The following SRGAP1 variants were observed in gnomAD, a reference collection of about 807,000 sequenced individuals.
The protein encoded by SRGAP1 is SLIT-ROBO Rho GTPase activating protein 1, also known as SLIT-ROBO Rho GTPase-activating protein 1.
SRGAP1 carries 43 observed loss-of-function variants against 121.9 expected under a neutral mutation model. That is an observed-to-expected ratio of 0.35 (90% CI 0.28 to 0.46). The LOEUF is 0.46. SRGAP1 is among the 20% of genes least tolerant of loss of function. The probability of loss-of-function intolerance (pLI) is 1.00; values close to 1 mark genes in which losing one functional copy is unlikely to be tolerated. For synonymous variants in SRGAP1, 447 were observed against 485.4 expected (o/e 0.92, Z 1.04); for missense variants, 1,102 against 1,350.9 (o/e 0.82, Z 2.89).
In SRGAP1 at chr12:64,146,658, A is replaced by G. The variant is rs2037057088; in HGVS notation, c.*3986A>G. On this transcript the variant is annotated 3_prime_UTR_variant, in exon 22 of 22. Coordinates refer to ENST00000355086, the MANE Select transcript of SRGAP1 (RefSeq NM_020762.4). ...TGCTTAGGACTCAGTCTTGTTTTCG[A>G]TTATCCACCACAGAAACCCTGAGAC... 1 of 152,050 alleles carries G rather than the reference A, an allele frequency of 6.6e-6. No individual in the cohort carries two copies. Among genetic ancestry groups the G allele is most frequent in the Non-Finnish European group, 1.5e-5 (1 of 68,034 alleles). The allele number at this position is 152,050 out of a possible 1,614,324, so 9.4% of individuals were successfully genotyped here.
intron 21 of SRGAP1, among the ~76,000 whole-genome samples, chr12:64,137,655 G>A (rs2036876490): frequency 1.3e-5 from 2 of 152,036 alleles, no homozygotes; most frequent in African/African-American, 4.8e-5. Flanking sequence ...TTAATATCAG[G>A]ATCTTAGATT....
intron 1 of SRGAP1, among the ~76,000 whole-genome samples, chr12:63,970,060 C>T (rs934047094): frequency 6.6e-6 from 1 of 152,168 alleles, no homozygotes; most frequent in Non-Finnish European, 1.5e-5. Flanking sequence ...CCCACCTTCC[C>T]CCTTTCCCCA....
At chr12:63,902,662 T>G (rs1287943296) in intron 1 of SRGAP1, among the ~76,000 whole-genome samples, 2 of 152,228 alleles carry the variant, frequency 1.3e-5, no homozygotes, top group African/African-American at 4.8e-5. Context: ...TTTCCTCAGT[T>G]TGCAGTTAAC....
intron 1 of SRGAP1, among the ~76,000 whole-genome samples, chr12:63,980,720 A>C (rs2136404024): frequency 6.6e-6 from 1 of 151,722 alleles, no homozygotes; most frequent in South Asian, 2.1e-4. Context: ...CAGACTCCCG[A>C]GTAGCTGGGA....
Position 64,095,455 on chromosome 12 carries a change from G to A in SRGAP1, c.1678+251G>A, listed in dbSNP as rs146427747. 2.0e-3 allele frequency among the ~76,000 whole-genome samples: 302 copies of A among 152,272 alleles called. 4 individuals carry two copies. Among genetic ancestry groups the A allele is most frequent in the African/African-American group, 6.9e-3 (286 of 41,568 alleles). Reference sequence around the variant, plus strand: ...GGACTGACATTGATAATCGGTGCCAGGTATAGCAAATGTGGGGCCGAAAGA... The same window carrying A: ...GGACTGACATTGATAATCGGTGCCAAGTATAGCAAATGTGGGGCCGAAAGA... On this transcript the variant is annotated intron_variant, in intron 14 of 21. Transcript: ENST00000355086.
chr12:64,080,651 C>A, intron 10 of SRGAP1: 1 of 473,834 alleles, frequency 2.1e-6, no homozygotes, highest in Non-Finnish European at 3.9e-6. Flanking sequence ...TGCTCCTGAT[C>A]GTAGAAAAGT....
intron 1 of SRGAP1, among the ~76,000 whole-genome samples, chr12:63,868,087 T>TTTTTTTTTTTTTTTG (rs1899721971): frequency 2.3e-5 from 2 of 86,524 alleles, no homozygotes; most frequent in Non-Finnish European, 4.4e-5. Flanking sequence ...TTGTTTTTTT[T>TTTTTTTTTTTTTTTG]TTTTTGTTTT....
intron 4 of SRGAP1, among the ~76,000 whole-genome samples, chr12:64,018,688 A>G (rs1348261183): frequency 6.6e-6 from 1 of 152,202 alleles, no homozygotes; most frequent in Non-Finnish European, 1.5e-5. Flanking sequence ...TTCCTCCTTC[A>G]GAAACTTTCC....
At chr12:63,904,342 G>A (rs969606565) in intron 1 of SRGAP1, among the ~76,000 whole-genome samples, 5 of 152,098 alleles carry the variant, frequency 3.3e-5, no homozygotes, top group Non-Finnish European at 5.9e-5. Flanking sequence ...TGCAACTCCC[G>A]TGTTGTGTCC....
In SRGAP1 at chr12:64,147,311, G is replaced by T; in HGVS notation, c.*4639G>T. The T allele has an allele frequency of 2.5e-6, 1 of 395,964 alleles. No homozygotes were observed. The allele number at this position is 395,964 out of a possible 1,614,324, so 24.5% of individuals were successfully genotyped here. A position where few individuals can be genotyped will look rare whatever the true frequency, so the allele number is the denominator to read the frequency against. ...CATGTGAAAGTGCCTTTCTATTTTA[G>T]AGGAGTTTTAGCCTTGCTCTTGTAC... On this transcript the variant is annotated 3_prime_UTR_variant, in exon 22 of 22. Coordinates refer to ENST00000355086, the MANE Select transcript of SRGAP1 (RefSeq NM_020762.4).
At chr12:63,944,518 C>T (rs2031978713) in intron 1 of SRGAP1, among the ~76,000 whole-genome samples, 1 of 152,190 alleles carries the variant, frequency 6.6e-6, no homozygotes, top group Non-Finnish European at 1.5e-5. Context: ...AAGATTTAAC[C>T]TGTAGATTTG....
chr12:64,093,653 C>G (rs562404346), intron 12 of SRGAP1, among the ~76,000 whole-genome samples: 2 of 152,172 alleles, frequency 1.3e-5, no homozygotes, highest in African/African-American at 4.8e-5. Flanking sequence ...ATTGCTGTTC[C>G]TGAGCCAACT....
intron 1 of SRGAP1, among the ~76,000 whole-genome samples, chr12:63,928,297 C>T (rs2031337813): frequency 6.6e-6 from 1 of 152,130 alleles, no homozygotes; most frequent in Non-Finnish European, 1.5e-5. Flanking sequence ...TATACCTACC[C>T]TATGATCCAG....
intron 4 of SRGAP1, among the ~76,000 whole-genome samples, chr12:64,035,052 A>G (rs1399625276): frequency 6.9e-6 from 1 of 144,820 alleles, no homozygotes; most frequent in Non-Finnish European, 1.5e-5. Flanking sequence ...CAAGAAAAAA[A>G]AAAAAAAAAG....
At chr12:63,919,890 T>C (rs1283135016) in intron 1 of SRGAP1, among the ~76,000 whole-genome samples, 1 of 152,200 alleles carries the variant, frequency 6.6e-6, no homozygotes, top group Non-Finnish European at 1.5e-5. Context: ...CAGAATCAAT[T>C]GATTCATTGC....
chr12:63,893,903 A>G (rs573975636), intron 1 of SRGAP1, among the ~76,000 whole-genome samples: 4 of 152,358 alleles, frequency 2.6e-5, no homozygotes, highest in Admixed American at 2.0e-4. Flanking sequence ...CCGTAGCACA[A>G]TCTTGGCTCA....
chr12:64,056,736 A>G (rs1322100454), intron 6 of SRGAP1, among the ~76,000 whole-genome samples: 1 of 152,066 alleles, frequency 6.6e-6, no homozygotes, highest in African/African-American at 2.4e-5. Context: ...CTTAGTCACC[A>G]TACATCAGGT....
intron 1 of SRGAP1, among the ~76,000 whole-genome samples, chr12:63,924,365 A>G (rs1362253228): frequency 6.6e-6 from 1 of 152,160 alleles, no homozygotes; most frequent in Non-Finnish European, 1.5e-5. Context: ...TCCCAACCTA[A>G]TAGTGCTCCA....
chr12:64,021,554 G>A (rs1344610125), intron 4 of SRGAP1, among the ~76,000 whole-genome samples: 1 of 152,208 alleles, frequency 6.6e-6, no homozygotes, highest in East Asian at 1.9e-4. Context: ...GTAAGTGGCA[G>A]GGTGGGATCT....
Sources: gnomAD v4.1 joint callset for allele counts (sites outside exome capture counted in the v4.1 genomes callset) on GRCh38, gnomAD v4.1.1 for gene constraint, MANE v1.5 for transcripts, NCBI Gene and HGNC (gene_info 2026-07-23, HGNC 2026-07-21) for gene names.